The following PKHD1 variants were observed in gnomAD, a reference collection of about 807,000 sequenced individuals.
PKHD1 encodes fibrocystin.
In PKHD1, 291 loss-of-function variants were observed where a neutral mutation model predicts 412.0. That is an observed-to-expected ratio of 0.71 (90% CI 0.64 to 0.78). The LOEUF (loss-of-function observed/expected upper bound fraction) is 0.78. Ranked by LOEUF, PKHD1 falls within the 30% of genes least tolerant of loss-of-function variation. PKHD1 has a pLI of 0.00. For synonymous variants in PKHD1, 1,777 were observed against 1,821.5 expected, an observed-to-expected ratio of 0.98 and a Z score of 0.62; for missense variants, 4,825 against 4,950.7, an observed-to-expected ratio of 0.97 and a Z score of 0.76.
intron 60 of PKHD1, among the ~76,000 whole-genome samples, chr6:51,660,930 T>A (rs930604049): frequency 6.6e-5 from 10 of 152,228 alleles, no homozygotes; most frequent in African/African-American, 2.4e-4. Flanking sequence ...GAAATGGGGA[T>A]GGTGAGGAGA....
chr6:51,816,141 A>G (rs756275588), intron 52 of PKHD1, among the ~76,000 whole-genome samples: 4 of 152,202 alleles, frequency 2.6e-5, no homozygotes, highest in Non-Finnish European at 5.9e-5. Context: ...CTAATTACAC[A>G]TATGTAGTGC....
At chr6:51,722,262 T>C (rs1026873934) in intron 60 of PKHD1, among the ~76,000 whole-genome samples, 3 of 152,218 alleles carry the variant, frequency 2.0e-5, no homozygotes, top group Non-Finnish European at 4.4e-5. Flanking sequence ...GGTGCTTATC[T>C]TACATTGCTT....
At chr6:51,788,806 G>A (rs535804789) in intron 53 of PKHD1, among the ~76,000 whole-genome samples, 1 of 151,196 alleles carries the variant, frequency 6.6e-6, no homozygotes, top group Admixed American at 6.6e-5. Flanking sequence ...TGGGCACCCT[G>A]GCTGATAAAC....
At chr6:51,883,554 A>G (rs1777729259) in intron 45 of PKHD1, among the ~76,000 whole-genome samples, 1 of 152,248 alleles carries the variant, frequency 6.6e-6, no homozygotes, top group Non-Finnish European at 1.5e-5. Context: ...ATTGCATCCA[A>G]GAACTCTAGT....
At chr6:51,885,236 AATC>A (rs1778024033) in intron 45 of PKHD1, among the ~76,000 whole-genome samples, 2 of 152,326 alleles carry the variant, frequency 1.3e-5, no homozygotes, top group Admixed American at 1.3e-4. Flanking sequence ...CTTATAAGAA[AATC>A]ATTGGGATAA....
At chr6:51,730,137 T>C (rs1254761154) in intron 60 of PKHD1, among the ~76,000 whole-genome samples, 1 of 152,226 alleles carries the variant, frequency 6.6e-6, no homozygotes, top group Admixed American at 6.5e-5. Context: ...TTTACATTGA[T>C]GAAATTAGCC....
chr6:51,866,073 A>G (rs982727839), intron 48 of PKHD1, among the ~76,000 whole-genome samples: 3 of 152,126 alleles, frequency 2.0e-5, no homozygotes, highest in African/African-American at 7.2e-5. Flanking sequence ...GTCCATGGAC[A>G]ACATTTTGAG....
chr6:52,079,634 TA>T (rs1025428161), intron 5 of PKHD1, among the ~76,000 whole-genome samples: 7 of 152,184 alleles, frequency 4.6e-5, no homozygotes, highest in Non-Finnish European at 7.3e-5. Flanking sequence ...TGTTCATTTG[TA>T]AAAACAGGAC....
Position 52,070,623 on chromosome 6 carries a change from A to C in PKHD1, c.668-178T>G, listed in dbSNP as rs1161075787. 4.6e-5 allele frequency among the ~76,000 whole-genome samples: 7 copies of C among 152,162 alleles called. No homozygotes were observed. The South Asian group carries it at 8.3e-4, about 18-fold the overall frequency. ...ACAAACAAAAAAACAAAAACAAAAA[A>C]AAAACACCTCATAAGTTTAGCATCA... On this transcript the variant is annotated intron_variant, in intron 9 of 66. Transcript: ENST00000371117.
At chr6:52,067,085 T>C (rs141725355) in intron 11 of PKHD1, among the ~76,000 whole-genome samples, 329 of 152,196 alleles carry the variant, frequency 2.2e-3, no homozygotes, top group African/African-American at 7.7e-3. Context: ...CAAAAGCTAA[T>C]GATGAATGGT....
chr6:51,723,436 C>A (rs1274548660), intron 60 of PKHD1, among the ~76,000 whole-genome samples: 1 of 152,150 alleles, frequency 6.6e-6, no homozygotes, highest in African/African-American at 2.4e-5. Flanking sequence ...GGGAATCTGG[C>A]CTTTCTAATT....
chr6:51,837,161 C>T (rs147402594), intron 50 of PKHD1, among the ~76,000 whole-genome samples: 66 of 152,286 alleles, frequency 4.3e-4, no homozygotes, highest in East Asian at 2.3e-3. Flanking sequence ...GGTGCTCTCA[C>T]GCCTGATTAA....
At chr6:52,059,044 G>C (rs1808255065) in intron 15 of PKHD1, among the ~76,000 whole-genome samples, 1 of 152,066 alleles carries the variant, frequency 6.6e-6, no homozygotes, top group African/African-American at 2.4e-5. Context: ...TTTGTCAATA[G>C]CATAAGTGCA....
intron 61 of PKHD1, among the ~76,000 whole-genome samples, chr6:51,653,675 C>T (rs1320752347): frequency 2.0e-5 from 3 of 152,018 alleles, no homozygotes; most frequent in Non-Finnish European, 4.4e-5. Context: ...TATATAAAGA[C>T]ACAGAATAAA....
intron 37 of PKHD1, among the ~76,000 whole-genome samples, chr6:51,923,235 C>G (rs1784988250): frequency 6.6e-6 from 1 of 152,046 alleles, no homozygotes; most frequent in Non-Finnish European, 1.5e-5. Flanking sequence ...CAAACTATAT[C>G]AGAATCAATT....
chr6:51,809,994 G>C (rs1764450704), intron 52 of PKHD1, among the ~76,000 whole-genome samples: 1 of 151,778 alleles, frequency 6.6e-6, no homozygotes, highest in Non-Finnish European at 1.5e-5. Context: ...AGAAATAAGA[G>C]TAGGCATTCA....
rs548916009 is a variant in PKHD1, at chr6:51,731,999, TA to T, written c.10156+12385del. ...TCAAATACTTTTGATAAAAACACTT[TA>T]TAAATTGACATGGCATAACAGTAAA... is the stretch of plus-strand genomic sequence containing the variant. On this transcript the variant is annotated intron_variant, in intron 60 of 66. Coordinates refer to ENST00000371117, the MANE Select transcript of PKHD1 (RefSeq NM_138694.4). Among the ~76,000 whole-genome samples the T allele has an allele frequency of 5.3e-5, 8 of 152,296 alleles. No homozygotes were observed. The South Asian group carries it at 1.7e-3, about 32-fold the overall frequency.
At chr6:52,004,778 G>T (rs1216052558) in intron 35 of PKHD1, among the ~76,000 whole-genome samples, 1 of 152,076 alleles carries the variant, frequency 6.6e-6, no homozygotes, top group Non-Finnish European at 1.5e-5. Context: ...TGTTGAGTGG[G>T]GTTTCTCCAC....
intron 65 of PKHD1, among the ~76,000 whole-genome samples, chr6:51,632,102 C>T (rs1032375376): frequency 2.0e-5 from 3 of 151,928 alleles, no homozygotes; most frequent in Non-Finnish European, 4.4e-5. Context: ...TGCCACCATG[C>T]CCAGATAATT....
Sources: allele counts gnomAD v4.1 joint callset (sites outside exome capture counted in the v4.1 genomes callset), GRCh38; gene constraint gnomAD v4.1.1; transcripts MANE v1.5; gene names NCBI Gene and HGNC (gene_info 2026-07-23, HGNC 2026-07-21).